The following MAP3K12 variants were observed in gnomAD, a reference collection of about 807,000 sequenced individuals.
The protein encoded by MAP3K12 is MAPK-upstream kinase.
A neutral mutation model predicts 87.5 loss-of-function variants in MAP3K12; 14 were observed. The ratio of observed to expected loss-of-function variants is 0.16; its 90% CI spans 0.11 to 0.25. The LOEUF is 0.25. Ranked by LOEUF, MAP3K12 falls within the 10% of genes least tolerant of loss-of-function variation. The probability of loss-of-function intolerance (pLI) is 1.00; values close to 1 mark genes in which losing one functional copy is unlikely to be tolerated. For missense variants in MAP3K12, 802 were observed against 1,140.4 expected (o/e 0.70, Z 4.27); for synonymous variants, 469 against 452.5 (o/e 1.04, Z -0.46).
In MAP3K12 at chr12:53,482,659, C is replaced by G. The variant is rs891623597; in HGVS notation, c.2144G>C (p.Arg715Thr). The change falls in exon 11 of 14, where the codon AGG becomes ACG. Residue 715 changes from arginine to threonine, a missense_variant. Coordinates refer to ENST00000547488, the MANE Select transcript of MAP3K12 (RefSeq NM_001193511.2). ...TCCTCCCCGGCCTGAGGTCCCTTCC[C>G]TTCCAGTTCCCAGAAGCCCCACACC... is the stretch of plus-strand genomic sequence containing the variant. ...GEGVGLLGTG[R>T]EGTSGRGGSR... The G allele has an allele frequency of 3.1e-6, 5 of 1,613,896 alleles. No individual in the cohort carries two copies. The African/African-American group carries it at 5.3e-5, about 17-fold the overall frequency.
At chr12:53,501,417 A>C, upstream of MAP3K12, 1 of 1,566,598 alleles carries the variant, frequency 6.4e-7, no homozygotes, top group East Asian at 2.4e-5. Flanking sequence ...GAATGAGTGA[A>C]GAGGAGCAAG....
intron 1 of MAP3K12, among the ~76,000 whole-genome samples, chr12:53,495,454 C>G (rs1592723796): frequency 8.0e-6 from 1 of 125,200 alleles, no homozygotes; most frequent in Non-Finnish European, 1.6e-5. Flanking sequence ...ACCAAAAATA[C>G]AAAAAATTTG....
chr12:53,500,632 G>A (rs1943662347), upstream of MAP3K12: 1 of 152,454 alleles, frequency 6.6e-6, no homozygotes, highest in Admixed American at 6.5e-5. Flanking sequence ...GACTGTCTGA[G>A]ACGGACTTAA....
At chr12:53,482,428 T>A in intron 11 of MAP3K12, 59 bp from the exon 12 acceptor site, 1 of 1,607,578 alleles carries the variant, frequency 6.2e-7, no homozygotes, top group Non-Finnish European at 8.5e-7. Flanking sequence ...TCACTAAGAA[T>A]CCAGGAGAAG....
At chr12:53,501,234 C>G (rs1435973944), upstream of MAP3K12, 1 of 681,282 alleles carries the variant, frequency 1.5e-6, no homozygotes, top group Non-Finnish European at 2.5e-6. Flanking sequence ...GATAGCTCCC[C>G]TCCAGATGGA....
Position 53,483,230 on chromosome 12 carries a change from CTA to C in MAP3K12, c.1614-43_1614-42del, listed in dbSNP as rs746151756. 67 of 1,538,024 alleles carry C rather than the reference CTA, an allele frequency of 4.4e-5. No individual in the cohort carries two copies. In the African/African-American group the frequency reaches 6.1e-4, roughly 14 times the overall value. ...AAGTAAAAGGTTAAGACTGCCAAATCTATGTACTCAAAGCACTCCCTAACCTT... is the reference window on the plus strand; with the variant it reads ...AAGTAAAAGGTTAAGACTGCCAAATCTGTACTCAAAGCACTCCCTAACCTT... On this transcript the variant is annotated intron_variant, in intron 10 of 13. Coordinates refer to ENST00000547488, the MANE Select transcript of MAP3K12 (RefSeq NM_001193511.2).
intron 1 of MAP3K12, among the ~76,000 whole-genome samples, chr12:53,491,498 A>G (rs1184796442): frequency 6.8e-6 from 1 of 147,972 alleles, no homozygotes; most frequent in Admixed American, 6.7e-5. Context: ...CAGTGGCACG[A>G]TCTCCGCTCA....
chr12:53,483,140 G>A lies in MAP3K12; in HGVS notation c.1663C>T (p.Leu555=), dbSNP rs753633525. 2 of 1,521,300 alleles carry A rather than the reference G, an allele frequency of 1.3e-6. No individual in the cohort carries two copies. The highest frequency in any genetic ancestry group is 2.3e-5 in the East Asian group (1 of 44,126). The allele number at this position is 1,521,300 out of a possible 1,614,324, so 94.2% of individuals were successfully genotyped here. A position where few individuals can be genotyped will look rare whatever the true frequency, so the allele number is the denominator to read the frequency against. Residue 555 remains leucine, a synonymous_variant, in exon 11 of 14, where the codon CTG becomes TTG. Transcript: ENST00000547488. The part of the protein sequence containing the change: ...ESLLPKLDAA[L]SGVGLPGCPK... ...CACCCAGGAAGCCCCACCCCACTCA[G>A]GGCTGCATCTAGTTTAGGGAGCAAA...
At chr12:53,501,528 C>T, upstream of MAP3K12, 2 of 1,547,170 alleles carry the variant, frequency 1.3e-6, no homozygotes, top group Non-Finnish European at 1.7e-6. Context: ...AGTAGCGGCG[C>T]GGCCCCAGCA....
Position 53,483,632 on chromosome 12 carries a change from C to G in MAP3K12, c.1450G>C (p.Glu484Gln), listed in dbSNP as rs778673196. The change falls in exon 9 of 14, where the codon GAA becomes CAA. Residue 484 changes from glutamate (E) to glutamine (Q), a missense_variant. This residue lies in a region of MAP3K12 where 99 missense variants were observed against 193.4 expected (regional missense o/e 0.51). Transcript: ENST00000547488. Reference protein sequence around the residue: ...MELNALMLQLELKERELLRRE... With the variant: ...MELNALMLQLQLKERELLRRE... ...CTGAGCAGCTCCCTCTCCTTGAGTTCCAGCTGCAACATGAGGGCATTAAGT... is the reference window on the plus strand; with the variant it reads ...CTGAGCAGCTCCCTCTCCTTGAGTTGCAGCTGCAACATGAGGGCATTAAGT... 2.5e-6 allele frequency: 4 copies of G among 1,613,994 alleles called. No homozygotes were observed. Among genetic ancestry groups the G allele is most frequent in the African/African-American group, 1.3e-5 (1 of 74,892 alleles).
upstream of MAP3K12, chr12:53,501,037 C>A (rs941994049): frequency 3.8e-6 from 1 of 262,478 alleles, no homozygotes. Context: ...AGCGGCTTCC[C>A]CTCCGCTAGT....
At chr12:53,491,287 C>CAAAAA (rs780256956) in intron 1 of MAP3K12, among the ~76,000 whole-genome samples, 2 of 52,852 alleles carry the variant, frequency 3.8e-5, no homozygotes, top group Admixed American at 3.0e-4. Context: ...GACTCTGTCT[C>CAAAAA]AAAAAAAAAA....
chr12:53,494,813 T>C (rs1943505529), intron 1 of MAP3K12, among the ~76,000 whole-genome samples: 1 of 152,132 alleles, frequency 6.6e-6, no homozygotes, highest in Non-Finnish European at 1.5e-5. Flanking sequence ...CTCTGCAAGC[T>C]TTGAAACCCT....
In MAP3K12 at chr12:53,481,156, CTA is replaced by C. The variant is rs1565881458; in HGVS notation, c.*24_*25del. ...ATATATAATTTATATAAATATTTCT[CTA>C]TGTACAAGGAATACGAGTGGCTTTC... On this transcript the variant is annotated 3_prime_UTR_variant, in exon 14 of 14. Transcript: ENST00000547488. The C allele has an allele frequency of 9.5e-6, 11 of 1,160,458 alleles. No homozygotes were observed. The highest frequency in any genetic ancestry group is 2.7e-5 in the South Asian group (1 of 37,540). 71.9% of individuals were successfully genotyped at this position (1,160,458 alleles called of 1,614,324 possible). A position where few individuals can be genotyped will look rare whatever the true frequency, so the allele number is the denominator to read the frequency against.
chr12:53,484,142 C>T (rs1436467215), intron 7 of MAP3K12, 115 bp downstream of exon 7: 1 of 1,352,050 alleles, frequency 7.4e-7, no homozygotes, highest in East Asian at 2.3e-5. Context: ...TGACTCAGCC[C>T]TCTAAGAGCC....
chr12:53,498,229 G>GCCCC (rs1943581336), intron 1 of MAP3K12, among the ~76,000 whole-genome samples: 2 of 152,170 alleles, frequency 1.3e-5, no homozygotes, highest in African/African-American at 4.8e-5. Context: ...GGACAGGAAG[G>GCCCC]CTCAGGGGGC....
chr12:53,487,123 C>G lies in MAP3K12; in HGVS notation c.269G>C (p.Gly90Ala). The change falls in exon 2 of 14, where the codon GGC becomes GCC. Residue 90 changes from glycine to alanine, a missense_variant. Gly to Ala is a moderately conservative substitution (Grantham distance 60). Around this residue, in one of 5 missense-constraint regions of MAP3K12, gnomAD observed 135 missense variants for 151.6 expected, o/e 0.89. Transcript: ENST00000547488. ...VLQLHEQDAG[G>A]PGGAAGSPES... ...AGGTGACCCAGCTGCTCCCCCTGGG[C>G]CCCCTGCATCCTGCTCATGTAGCTG... 6.2e-7 allele frequency: 1 copy of G among 1,613,980 alleles called. No homozygotes were observed. Among genetic ancestry groups the G allele is most frequent in the Non-Finnish European group, 8.5e-7 (1 of 1,179,994 alleles).
intron 1 of MAP3K12, among the ~76,000 whole-genome samples, chr12:53,492,452 C>T (rs1190773616): frequency 1.3e-5 from 2 of 150,222 alleles, no homozygotes; most frequent in Non-Finnish European, 3.0e-5. Flanking sequence ...ACTCTCTCTG[C>T]GCGCGCGCGC....
chr12:53,495,560 A>T (rs1323907558), intron 1 of MAP3K12, among the ~76,000 whole-genome samples: 1 of 150,398 alleles, frequency 6.6e-6, no homozygotes, highest in Non-Finnish European at 1.5e-5. Flanking sequence ...AAAAAAAAAA[A>T]AAAAAAAATT....
Sources: allele counts gnomAD v4.1 joint callset (sites outside exome capture counted in the v4.1 genomes callset), GRCh38; gene constraint gnomAD v4.1.1; regional missense constraint gnomAD v4.1.1; transcripts MANE v1.5; gene names NCBI Gene and HGNC (gene_info 2026-07-23, HGNC 2026-07-21).